ATF7IP2: variants seen among roughly 807,000 people sequenced by gnomAD.
The protein encoded by ATF7IP2 is activating transcription factor 7-interacting protein 2.
ATF7IP2 carries 42 observed loss-of-function variants against 64.2 expected under a neutral mutation model. The ratio of observed to expected loss-of-function variants is 0.65; its 90% confidence interval spans 0.51 to 0.85. ATF7IP2 has a LOEUF of 0.85. Among genes scored for constraint, ATF7IP2 ranks in the 40% least tolerant of loss-of-function variants. ATF7IP2 has a pLI of 0.00. For missense variants in ATF7IP2, 933 were observed against 784.2 expected, an observed-to-expected ratio of 1.19 and a Z score of -2.27; for synonymous variants, 308 against 272.8, an observed-to-expected ratio of 1.13 and a Z score of -1.27.
chr16:10,452,013 C>T (rs2049001414), intron 8 of ATF7IP2, among the ~76,000 whole-genome samples: 1 of 152,012 alleles, frequency 6.6e-6, no homozygotes, highest in African/African-American at 2.4e-5. Flanking sequence ...GATCGCTCCA[C>T]TGCACTCCAG....
At position 10,440,351 on chromosome 16, in the gene ATF7IP2, C is replaced by CT; in HGVS notation, c.1096-8dup. ...TCTGGCTTAGTATTTATTTTTTTCT[C>CT]TTTTTCTTCTAGGCAAAAATAGCAA... On this transcript the variant is annotated splice_polypyrimidine_tract_variant and intron_variant, in intron 7 of 13. Coordinates refer to ENST00000562102, the MANE Select transcript of ATF7IP2 (RefSeq NM_001393719.1). 1 of 1,395,706 alleles carries CT rather than the reference C, an allele frequency of 7.2e-7. No homozygotes were observed. The highest frequency in any genetic ancestry group is 9.8e-7 in the Non-Finnish European group (1 of 1,019,368). The allele number at this position is 1,395,706 out of a possible 1,614,324, so 86.5% of individuals were successfully genotyped here. A position where few individuals can be genotyped will look rare whatever the true frequency, so the allele number is the denominator to read the frequency against.
At chr16:10,440,518 G>T in intron 8 of ATF7IP2, 56 bp downstream of exon 8, 1 of 996,038 alleles carries the variant, frequency 1.0e-6, no homozygotes, top group Non-Finnish European at 1.5e-6. Flanking sequence ...TAAGTGGTTT[G>T]ATTAGAAGAA....
intron 12 of ATF7IP2, among the ~76,000 whole-genome samples, chr16:10,474,635 T>C (rs1416287770): frequency 6.6e-6 from 1 of 152,148 alleles, no homozygotes; most frequent in African/African-American, 2.4e-5. Flanking sequence ...GGATCAGTTA[T>C]AAGGTCTCAT....
intron 1 of ATF7IP2, among the ~76,000 whole-genome samples, chr16:10,400,624 G>T (rs1227436728): frequency 6.6e-6 from 1 of 152,124 alleles, no homozygotes; most frequent in Non-Finnish European, 1.5e-5. Context: ...TTGGCTGTGG[G>T]TTTGTTGTAT....
chr16:10,441,435 T>C (rs1462785331), intron 8 of ATF7IP2, among the ~76,000 whole-genome samples: 1 of 152,236 alleles, frequency 6.6e-6, no homozygotes, highest in Non-Finnish European at 1.5e-5. Flanking sequence ...GACTTTTTAA[T>C]GATCGCCATT....
chr16:10,424,600 A>G lies in ATF7IP2; in HGVS notation c.-159-4268A>G, dbSNP rs35007701. 6.2e-3 allele frequency among the ~76,000 whole-genome samples: 942 copies of G among 152,318 alleles called. 4 individuals are homozygous for G. Among genetic ancestry groups the G allele is most frequent in the Non-Finnish European group, 9.7e-3 (658 of 68,026 alleles). ...GTTTGTAAATTGTATCTTATAAGGG[A>G]CTTAATCTAAAATATATAAGGAACT... On this transcript the variant is annotated intron_variant, in intron 3 of 13. Coordinates refer to ENST00000562102, the MANE Select transcript of ATF7IP2 (RefSeq NM_001393719.1).
intron 9 of ATF7IP2, among the ~76,000 whole-genome samples, chr16:10,470,815 GTGTGTGTGTATATATATATATA>G (rs1397760637): frequency 2.8e-4 from 40 of 141,722 alleles, no homozygotes; most frequent in African/African-American, 9.3e-4. Context: ...ATATATATAT[GTGTGTGTGTATATATATATATA>G]TGTGTGTGTA....
At chr16:10,439,834 G>T (rs141422757) in intron 7 of ATF7IP2, among the ~76,000 whole-genome samples, 1 of 151,162 alleles carries the variant, frequency 6.6e-6, no homozygotes, top group Non-Finnish European at 1.5e-5. Flanking sequence ...GCGCCCGGCC[G>T]AAGTTTGAGA....
At chr16:10,390,171 T>C (rs1264306825) in intron 1 of ATF7IP2, among the ~76,000 whole-genome samples, 4 of 152,130 alleles carry the variant, frequency 2.6e-5, no homozygotes, top group African/African-American at 9.7e-5. Context: ...TTGGAGAACA[T>C]CACTGGAGAA....
At chr16:10,464,953 C>T (rs1190413756) in intron 9 of ATF7IP2, among the ~76,000 whole-genome samples, 11 of 152,310 alleles carry the variant, frequency 7.2e-5, no homozygotes, top group Admixed American at 6.5e-4. Context: ...GCCTCAGCCT[C>T]CTGAATAGCT....
chr16:10,476,712 T>C (rs1181172507), intron 12 of ATF7IP2, among the ~76,000 whole-genome samples: 1 of 152,212 alleles, frequency 6.6e-6, no homozygotes, highest in East Asian at 1.9e-4. Flanking sequence ...TATGTCCATG[T>C]GTTCTCATTG....
rs775439017 is a variant in ATF7IP2 at position 10,457,555 on chromosome 16, A to C, written c.1352+26A>C. The C allele has an allele frequency of 4.1e-6, 6 of 1,476,318 alleles. No homozygotes were observed. The Admixed American group carries it at 7.2e-5, about 18-fold the overall frequency. 91.5% of individuals were successfully genotyped at this position (1,476,318 alleles called of 1,614,324 possible). A position where few individuals can be genotyped will look rare whatever the true frequency, so the allele number is the denominator to read the frequency against. On this transcript the variant is annotated intron_variant, in intron 9 of 13. Coordinates refer to ENST00000562102, the MANE Select transcript of ATF7IP2 (RefSeq NM_001393719.1). Reference sequence around the variant, plus strand: ...GTAGGTGTTTCTGCAAAAATGCATAAATTTATCTAAATCTATAATAATGAA... The same window carrying C: ...GTAGGTGTTTCTGCAAAAATGCATACATTTATCTAAATCTATAATAATGAA...
intron 12 of ATF7IP2, among the ~76,000 whole-genome samples, chr16:10,480,341 A>G (rs1183945519): frequency 6.6e-6 from 1 of 150,702 alleles, no homozygotes; most frequent in Non-Finnish European, 1.5e-5. Context: ...ACCCATCCAC[A>G]TTTTTCGTGT....
intron 3 of ATF7IP2, among the ~76,000 whole-genome samples, chr16:10,423,838 G>A (rs779673941): frequency 4.6e-5 from 7 of 152,096 alleles, no homozygotes; most frequent in Non-Finnish European, 7.4e-5. Context: ...TGATGCTTCC[G>A]AGCTCCCCTT....
intron 9 of ATF7IP2, among the ~76,000 whole-genome samples, chr16:10,464,014 C>G (rs2049464863): frequency 6.6e-6 from 1 of 152,174 alleles, no homozygotes; most frequent in Non-Finnish European, 1.5e-5. Context: ...TCCTGTGTGG[C>G]TGGGTTGACA....
intron 9 of ATF7IP2, 28 bp from the exon 10 acceptor site, chr16:10,472,082 T>C: frequency 1.5e-6 from 2 of 1,314,020 alleles, no homozygotes; most frequent in East Asian, 2.3e-5. Context: ...GTTTAGTTTT[T>C]GTTTTTAATT....
At position 10,457,361 on chromosome 16, in the gene ATF7IP2, C is replaced by T. The variant is rs1240373304; in HGVS notation, c.1195-11C>T. On this transcript the variant is annotated splice_polypyrimidine_tract_variant and intron_variant, in intron 8 of 13. Coordinates refer to ENST00000562102, the MANE Select transcript of ATF7IP2 (RefSeq NM_001393719.1). Reference sequence around the variant, plus strand: ...TTCCCTTCAACTGCTTTTTTCTCACCTATTTAATAGGTTGCAAATTCAGAG... The same window carrying T: ...TTCCCTTCAACTGCTTTTTTCTCACTTATTTAATAGGTTGCAAATTCAGAG... 6.3e-7 allele frequency: 1 copy of T among 1,584,488 alleles called. No homozygotes were observed. Among genetic ancestry groups the T allele is most frequent in the South Asian group, 1.2e-5 (1 of 83,170 alleles).
Position 10,482,983 on chromosome 16 carries a change from G to A in ATF7IP2, c.*734G>A, listed in dbSNP as rs2050291554. 1 of 152,228 alleles carries A rather than the reference G, an allele frequency of 6.6e-6. No homozygotes were observed. The highest frequency in any genetic ancestry group is 2.4e-5 in the African/African-American group (1 of 41,444). 9.4% of individuals were successfully genotyped at this position (152,228 alleles called of 1,614,324 possible). A position where few individuals can be genotyped will look rare whatever the true frequency, so the allele number is the denominator to read the frequency against. The stretch of plus-strand genomic sequence containing the variant: ...CCCGCCTCGGCCTCCCGAAGTGCTG[G>A]GATTATAGGCGTAAGCCACCATGCC... On this transcript the variant is annotated 3_prime_UTR_variant, in exon 14 of 14. Coordinates refer to ENST00000562102, the MANE Select transcript of ATF7IP2 (RefSeq NM_001393719.1).
chr16:10,436,726 C>A (rs1296582985), intron 6 of ATF7IP2, among the ~76,000 whole-genome samples: 4 of 152,122 alleles, frequency 2.6e-5, no homozygotes, highest in African/African-American at 9.6e-5. Context: ...TTAAATGTAT[C>A]ATAACAGGTC....
Sources: allele counts gnomAD v4.1 joint callset (sites outside exome capture counted in the v4.1 genomes callset), GRCh38; gene constraint gnomAD v4.1.1; transcripts MANE v1.5; gene names NCBI Gene and HGNC (gene_info 2026-07-23, HGNC 2026-07-21).